ADAMTSL1: variants seen among roughly 807,000 people sequenced by gnomAD.
ADAMTSL1 encodes ADAMTS-like protein 1.
A neutral mutation model predicts 201.8 loss-of-function variants in ADAMTSL1; 126 were observed. The ratio of observed to expected loss-of-function variants is 0.62; its 90% confidence interval spans 0.54 to 0.72. ADAMTSL1 has a LOEUF of 0.72. Among genes scored for constraint, ADAMTSL1 ranks in the 30% least tolerant of loss-of-function variants. The pLI is 0.00. For missense variants in ADAMTSL1, 2,679 were observed against 2,277.8 expected, an observed-to-expected ratio of 1.18 and a Z score of -3.59; for synonymous variants, 1,121 against 903.4, an observed-to-expected ratio of 1.24 and a Z score of -4.32.
intron 5 of ADAMTSL1, among the ~76,000 whole-genome samples, chr9:18,635,096 C>G (rs1827026206): frequency 1.3e-5 from 2 of 151,396 alleles, no homozygotes; most frequent in Non-Finnish European, 1.5e-5. Context: ...ATCCTCTGTG[C>G]CAATGTCAGA....
chr9:18,084,329 C>T (rs563237837), intron 1 of ADAMTSL1, among the ~76,000 whole-genome samples: 1 of 151,488 alleles, frequency 6.6e-6, no homozygotes, highest in South Asian at 2.1e-4. Context: ...AGAGACCAGC[C>T]TGGTCAACAT....
intron 2 of ADAMTSL1, among the ~76,000 whole-genome samples, chr9:18,531,509 C>A (rs577373335): frequency 6.6e-6 from 1 of 152,084 alleles, no homozygotes; most frequent in Non-Finnish European, 1.5e-5. Context: ...GCCAGCCATT[C>A]CTTTTCTATT....
chr9:18,379,855 A>T (rs1045951146), intron 2 of ADAMTSL1, among the ~76,000 whole-genome samples: 3 of 152,220 alleles, frequency 2.0e-5, no homozygotes, highest in Non-Finnish European at 4.4e-5. Context: ...TCCCATTTTT[A>T]CATTCTTGGG....
chr9:18,453,899 A>G (rs1403278545), intron 2 of ADAMTSL1, among the ~76,000 whole-genome samples: 1 of 152,174 alleles, frequency 6.6e-6, no homozygotes, highest in Non-Finnish European at 1.5e-5. Context: ...GAAACTCCCA[A>G]GCCAATTAAG....
At chr9:18,809,833 T>G (rs1039692819) in intron 20 of ADAMTSL1, among the ~76,000 whole-genome samples, 1 of 152,112 alleles carries the variant, frequency 6.6e-6, no homozygotes, top group African/African-American at 2.4e-5. Flanking sequence ...AGTTTTGTTT[T>G]AATTGTACTG....
At chr9:18,724,909 C>CTTTTT (rs11403576) in intron 15 of ADAMTSL1, among the ~76,000 whole-genome samples, 2 of 148,438 alleles carry the variant, frequency 1.3e-5, no homozygotes, top group Non-Finnish European at 1.5e-5. Context: ...AGGATTGAAC[C>CTTTTT]TTTTTTTTTT....
intron 3 of ADAMTSL1, among the ~76,000 whole-genome samples, chr9:18,569,839 TTTA>T (rs1822181484): frequency 1.3e-5 from 2 of 152,248 alleles, no homozygotes; most frequent in South Asian, 4.1e-4. Context: ...CAATTTAAAG[TTTA>T]TTATTCTTAC....
At chr9:18,488,357 G>A (rs1356810220) in intron 1 of ADAMTSL1, among the ~76,000 whole-genome samples, 1 of 152,074 alleles carries the variant, frequency 6.6e-6, no homozygotes, top group African/African-American at 2.4e-5. Flanking sequence ...TCCCACGTTT[G>A]GTCAGTAGCC....
chr9:18,634,959 G>A (rs1192156135), intron 5 of ADAMTSL1, among the ~76,000 whole-genome samples: 5 of 117,516 alleles, frequency 4.3e-5, no homozygotes, highest in African/African-American at 1.5e-4. Context: ...GAATCACACA[G>A]GGCTTCTGAA....
At chr9:17,960,283 C>A (rs912916095) in intron 1 of ADAMTSL1, among the ~76,000 whole-genome samples, 2 of 152,174 alleles carry the variant, frequency 1.3e-5, no homozygotes, top group African/African-American at 4.8e-5. Flanking sequence ...TGTCTGCTTG[C>A]ATCTTATTGA....
intron 2 of ADAMTSL1, among the ~76,000 whole-genome samples, chr9:18,164,345 G>A (rs1827540421): frequency 6.6e-6 from 1 of 151,788 alleles, no homozygotes; most frequent in African/African-American, 2.4e-5. Context: ...TTGTTTTATG[G>A]GTCAGTGGAA....
At chr9:18,449,367 T>G (rs1256051852) in intron 2 of ADAMTSL1, among the ~76,000 whole-genome samples, 1 of 151,830 alleles carries the variant, frequency 6.6e-6, no homozygotes, top group Non-Finnish European at 1.5e-5. Context: ...GCCAACACAG[T>G]CGTAGAGCCA....
At chr9:18,645,294 T>C (rs1827732571) in intron 7 of ADAMTSL1, among the ~76,000 whole-genome samples, 1 of 152,226 alleles carries the variant, frequency 6.6e-6, no homozygotes, top group East Asian at 1.9e-4. Context: ...ATTAGCCCTT[T>C]GTCAGATGAG....
chr9:18,026,334 A>T lies in ADAMTSL1; in HGVS notation c.87+119412A>T, dbSNP rs1820694829. Among the ~76,000 whole-genome samples, 3 of 151,942 alleles carry T rather than the reference A, an allele frequency of 2.0e-5. No homozygotes were observed. The East Asian group carries it at 5.8e-4, about 29-fold the overall frequency. On this transcript the variant is annotated intron_variant, in intron 1 of 29. Coordinates refer to the ADAMTSL1 transcript ENST00000680146. ...CATTTACCCATTCAGCATGATGTTG[A>T]CTGTGGGTTTGTCATAGACGGCTCA...
intron 5 of ADAMTSL1, among the ~76,000 whole-genome samples, chr9:18,630,461 C>A (rs1353959342): frequency 6.6e-6 from 1 of 152,182 alleles, no homozygotes; most frequent in Middle Eastern, 3.2e-3. Context: ...ATAGCTCTCT[C>A]CTTTCTGTTA....
intron 2 of ADAMTSL1, among the ~76,000 whole-genome samples, chr9:18,399,546 T>C (rs1407577977): frequency 6.6e-6 from 1 of 151,206 alleles, no homozygotes; most frequent in Non-Finnish European, 1.5e-5. Context: ...TTTCACCCTG[T>C]TGGCTGGTGA....
intron 2 of ADAMTSL1, among the ~76,000 whole-genome samples, chr9:18,428,457 A>AAAAGG (rs1819331430): frequency 6.6e-5 from 10 of 150,726 alleles, no homozygotes; most frequent in African/African-American, 1.9e-4. Context: ...AAAAGAAAAG[A>AAAAGG]AAAGAAAAAT....
chr9:18,408,610 G>A (rs1256190835), intron 2 of ADAMTSL1, among the ~76,000 whole-genome samples: 2 of 152,158 alleles, frequency 1.3e-5, no homozygotes, highest in African/African-American at 2.4e-5. Flanking sequence ...AATGGATGAG[G>A]CAGACCCTAC....
rs567054809 is a variant in ADAMTSL1, at chr9:18,677,551, G to A, written c.1136+1644G>A. On this transcript the variant is annotated intron_variant, in intron 10 of 28. Coordinates refer to ENST00000380548, the MANE Select transcript of ADAMTSL1 (RefSeq NM_001040272.6). ...AGGTAAAGTTGGACCTCAGGAGTAA[G>A]CAACGTCAAGTTTATGTTTTTCCTG... 3.2e-4 allele frequency among the ~76,000 whole-genome samples: 49 copies of A among 152,096 alleles called. 1 individual carries two copies. In the South Asian group the frequency reaches 8.3e-3, roughly 26 times the overall value.
Sources: allele counts gnomAD v4.1 joint callset (sites outside exome capture counted in the v4.1 genomes callset), GRCh38; gene constraint gnomAD v4.1.1; transcripts MANE v1.5; gene names NCBI Gene and HGNC (gene_info 2026-07-23, HGNC 2026-07-21).